The following PPIL1 variants were observed in gnomAD, a reference collection of about 807,000 sequenced individuals.
PPIL1 encodes peptidyl-prolyl cis-trans isomerase-like 1.
PPIL1 carries 14 observed loss-of-function variants against 19.4 expected under a neutral mutation model. That is an observed-to-expected ratio of 0.72 (90% CI 0.48 to 1.13). The LOEUF (loss-of-function observed/expected upper bound fraction) is 1.13. PPIL1 is among the 50% of genes most tolerant of loss of function. PPIL1 has a pLI of 0.00. For missense variants in PPIL1, 192 were observed against 218.0 expected, an observed-to-expected ratio of 0.88 and a Z score of 0.75; for synonymous variants, 72 against 73.6, an observed-to-expected ratio of 0.98 and a Z score of 0.11.
chr6:36,861,820 C>T (rs543622124), intron 2 of PPIL1, among the ~76,000 whole-genome samples: 2 of 152,132 alleles, frequency 1.3e-5, no homozygotes, highest in Admixed American at 6.5e-5. Context: ...CCTCAGCCTC[C>T]CGAGTAGCTG....
chr6:36,874,614 G>A (rs1464837881), intron 1 of PPIL1, 103 bp downstream of exon 1: 1 of 1,468,432 alleles, frequency 6.8e-7, no homozygotes, highest in African/African-American at 1.4e-5. Flanking sequence ...GCCCCTCCAC[G>A]TGGAGGCCGG....
chr6:36,858,131 G>A (rs1001053334), intron 2 of PPIL1, among the ~76,000 whole-genome samples: 2 of 150,914 alleles, frequency 1.3e-5, no homozygotes, highest in African/African-American at 4.9e-5. Context: ...CTACTTGGGA[G>A]GCTGAGGCAG....
At position 36,855,766 on chromosome 6, in the gene PPIL1, G is replaced by C; in HGVS notation, c.*47C>G. ...TGTCATTCTATGTCATCTAGAAGCT[G>C]GTTCACTGGGGCCATCTCAGAAGAG... is the stretch of plus-strand genomic sequence containing the variant. On this transcript the variant is annotated 3_prime_UTR_variant, in exon 4 of 4. Coordinates refer to ENST00000373699, the MANE Select transcript of PPIL1 (RefSeq NM_016059.5). The C allele has an allele frequency of 6.4e-7, 1 of 1,571,680 alleles. No homozygotes were observed. Among genetic ancestry groups the C allele is most frequent in the Non-Finnish European group, 8.8e-7 (1 of 1,141,768 alleles).
chr6:36,859,891 C>G (rs758510149), intron 2 of PPIL1, among the ~76,000 whole-genome samples: 1 of 149,594 alleles, frequency 6.7e-6, no homozygotes, highest in East Asian at 2.0e-4. Flanking sequence ...TGCAGTGGTG[C>G]GATCTCGGCT....
At chr6:36,873,926 G>C (rs1008680064) in intron 1 of PPIL1, among the ~76,000 whole-genome samples, 1 of 152,172 alleles carries the variant, frequency 6.6e-6, no homozygotes, top group African/African-American at 2.4e-5. Context: ...CGTTATTAAA[G>C]GTTTTTTGAG....
chr6:36,871,766 T>C lies in PPIL1; in HGVS notation c.163A>G (p.Arg55Gly), dbSNP rs1450154516. The C allele has an allele frequency of 1.2e-6, 2 of 1,610,848 alleles. No individual in the cohort carries two copies. The highest frequency in any genetic ancestry group is 2.2e-5 in the South Asian group (2 of 90,330). ...RGYYNGTKFH[R>G]IIKDFMIQGG... Reference sequence around the variant, plus strand: ...TGGATCATGAAGTCTTTGATAATTCTGTGGAATTTTGTGCCATTGTAGTAA... The same window carrying C: ...TGGATCATGAAGTCTTTGATAATTCCGTGGAATTTTGTGCCATTGTAGTAA... Residue 55 changes from arginine to glycine, a missense_variant, in exon 2 of 4, where the codon AGA becomes GGA. Transcript: ENST00000373699.
At position 36,861,028 on chromosome 6, in the gene PPIL1, G is replaced by GT. The variant is rs1363281075; in HGVS notation, c.212-4375dup. On this transcript the variant is annotated intron_variant, in intron 2 of 3. Transcript: ENST00000373699. ...TGTTGATACTGAGGATCTTTCCAAT[G>GT]TTTTGGTTATTATCGACCATGCTAT... Among the ~76,000 whole-genome samples, 22 of 151,908 alleles carry GT rather than the reference G, an allele frequency of 1.4e-4. No individual in the cohort carries two copies. The East Asian group carries it at 4.3e-3, about 29-fold the overall frequency.
intron 2 of PPIL1, 44 bp downstream of exon 2, chr6:36,871,674 A>AG (rs1331332577): frequency 6.5e-7 from 1 of 1,547,680 alleles, no homozygotes; most frequent in Non-Finnish European, 8.7e-7. Flanking sequence ...GACGAAAAGG[A>AG]GAAAAAAAAA....
intron 3 of PPIL1, 95 bp downstream of exon 3, chr6:36,856,491 T>G: frequency 8.7e-7 from 1 of 1,155,338 alleles, no homozygotes; most frequent in Non-Finnish European, 1.3e-6. Context: ...TCTGGCACCA[T>G]GCCACGGTGT....
intron 2 of PPIL1, among the ~76,000 whole-genome samples, chr6:36,858,981 G>A (rs929190492): frequency 2.6e-5 from 4 of 152,136 alleles, no homozygotes; most frequent in East Asian, 1.9e-4. Context: ...TCAGTAGTAC[G>A]CTGTCAGTCT....
At chr6:36,861,664 C>T (rs1774290284) in intron 2 of PPIL1, among the ~76,000 whole-genome samples, 1 of 148,034 alleles carries the variant, frequency 6.8e-6, no homozygotes, top group Non-Finnish European at 1.5e-5. Flanking sequence ...TCTTAACCTT[C>T]TTCTTTATGA....
chr6:36,864,585 G>A (rs1355439482), intron 2 of PPIL1, among the ~76,000 whole-genome samples: 4 of 152,150 alleles, frequency 2.6e-5, no homozygotes, highest in Non-Finnish European at 5.9e-5. Flanking sequence ...GGTTCTCAAC[G>A]GGGAGTGATT....
intron 2 of PPIL1, among the ~76,000 whole-genome samples, chr6:36,860,478 G>A (rs1774262957): frequency 6.6e-6 from 1 of 151,976 alleles, no homozygotes; most frequent in Non-Finnish European, 1.5e-5. Flanking sequence ...TCTGTCCTCT[G>A]TCCTCTCTTG....
chr6:36,869,656 A>G (rs1469807205), intron 2 of PPIL1, among the ~76,000 whole-genome samples: 2 of 152,236 alleles, frequency 1.3e-5, no homozygotes, highest in African/African-American at 4.8e-5. Flanking sequence ...CAAGTTGTGA[A>G]CACTAAATAC....
At chr6:36,863,778 T>C (rs910877331) in intron 2 of PPIL1, among the ~76,000 whole-genome samples, 8 of 151,816 alleles carry the variant, frequency 5.3e-5, no homozygotes, top group African/African-American at 1.9e-4. Flanking sequence ...TTATACCCAG[T>C]GGTCAATCCT....
chr6:36,855,792 C>T lies in PPIL1; in HGVS notation c.*21G>A, dbSNP rs1207305796. 1 of 1,609,686 alleles carries T rather than the reference C, an allele frequency of 6.2e-7. No individual in the cohort carries two copies. The highest frequency in any genetic ancestry group is 1.3e-5 in the African/African-American group (1 of 74,940). On this transcript the variant is annotated 3_prime_UTR_variant, in exon 4 of 4. Transcript: ENST00000373699. The stretch of plus-strand genomic sequence containing the variant: ...GTTCACTGGGGCCATCTCAGAAGAG[C>T]TGCTCAAGAGGGTAGCAAGTCTACC...
rs749346131 is a variant in PPIL1 at position 36,871,731 on chromosome 6, G to A, written c.198C>T (p.Asp66=). The A allele has an allele frequency of 7.2e-5, 116 of 1,606,212 alleles. No homozygotes were observed. Among genetic ancestry groups the A allele is most frequent in the Non-Finnish European group, 9.3e-5 (109 of 1,177,066 alleles). Residue 66 remains aspartate, a synonymous_variant, in exon 2 of 4, where the codon GAC becomes GAT. Transcript: ENST00000373699. ...IIKDFMIQGG[D]PTGTGRGGAS... ...GCTTAACTGTACCTGTCCCTGTTGG[G>A]TCACCTCCTTGGATCATGAAGTCTT...
intron 1 of PPIL1, among the ~76,000 whole-genome samples, chr6:36,872,235 T>C (rs1417518223): frequency 6.6e-6 from 1 of 152,100 alleles, no homozygotes; most frequent in Non-Finnish European, 1.5e-5. Context: ...CACTTAATTT[T>C]TAATTTTTTA....
intron 2 of PPIL1, among the ~76,000 whole-genome samples, chr6:36,860,749 C>T (rs1260745343): frequency 7.3e-6 from 1 of 136,648 alleles, no homozygotes; most frequent in African/African-American, 2.9e-5. Context: ...TTTTACTACA[C>T]ATATATGTAT....
Sources: gnomAD v4.1 joint callset for allele counts (sites outside exome capture counted in the v4.1 genomes callset) on GRCh38, gnomAD v4.1.1 for gene constraint, MANE v1.5 for transcripts, NCBI Gene and HGNC (gene_info 2026-07-23, HGNC 2026-07-21) for gene names.